The following RAD54B variants were observed in gnomAD, a reference collection of about 807,000 sequenced individuals.
The protein encoded by RAD54B is DNA repair and recombination protein RAD54B.
RAD54B carries 78 observed loss-of-function variants against 95.8 expected under a neutral mutation model. The observed-to-expected ratio is 0.81, with a 90% CI of 0.68 to 0.98. The LOEUF is 0.98. Among genes scored for constraint, RAD54B ranks in the 50% least tolerant of loss-of-function variants. The pLI, the probability that RAD54B is intolerant of heterozygous loss-of-function variation, is 0.00. For missense variants in RAD54B, 957 were observed against 1,056.6 expected (o/e 0.91, Z 1.31); for synonymous variants, 328 against 354.9 (o/e 0.92, Z 0.85).
chr8:94,474,827 G>A (rs896981007), intron 1 of RAD54B, among the ~76,000 whole-genome samples, 174 bp downstream of exon 1: 2 of 152,194 alleles, frequency 1.3e-5, no homozygotes, highest in African/African-American at 4.8e-5. Context: ...CAGCAACCAG[G>A]GCGTCCCTGG....
chr8:94,408,333 TA>T (rs1811444514), intron 4 of RAD54B, among the ~76,000 whole-genome samples: 1 of 152,176 alleles, frequency 6.6e-6, no homozygotes, highest in African/African-American at 2.4e-5. Flanking sequence ...TGATGAAATA[TA>T]AGTATGGATA....
chr8:94,460,986 T>C (rs931173752), intron 2 of RAD54B, among the ~76,000 whole-genome samples: 2 of 152,000 alleles, frequency 1.3e-5, no homozygotes, highest in African/African-American at 4.8e-5. Context: ...TTAACATTAA[T>C]CACGTCAGCA....
chr8:94,425,075 A>AC (rs1811911131), intron 3 of RAD54B, among the ~76,000 whole-genome samples: 1 of 151,500 alleles, frequency 6.6e-6, no homozygotes, highest in Non-Finnish European at 1.5e-5. Flanking sequence ...AAAAAAAAAA[A>AC]AAAAAATTCA....
At chr8:94,422,636 AT>A (rs1811847795) in intron 3 of RAD54B, among the ~76,000 whole-genome samples, 1 of 117,940 alleles carries the variant, frequency 8.5e-6, no homozygotes, top group African/African-American at 3.1e-5. Flanking sequence ...ATATATATAT[AT>A]ATATATATAT....
chr8:94,449,960 A>G (rs1011869989), intron 3 of RAD54B, among the ~76,000 whole-genome samples: 5 of 152,198 alleles, frequency 3.3e-5, no homozygotes, highest in Non-Finnish European at 5.9e-5. Context: ...GAAAGGATAC[A>G]CCTATCATGT....
chr8:94,391,466 C>T (rs1402154517), intron 10 of RAD54B, 143 bp downstream of exon 10: 1 of 760,158 alleles, frequency 1.3e-6, no homozygotes, highest in African/African-American at 1.8e-5. Flanking sequence ...ATAAGCTCTA[C>T]AGCAGAACCA....
In RAD54B at chr8:94,404,166, A is replaced by C. The variant is rs780703541; in HGVS notation, c.855T>G (p.Asp285Glu). The change falls in exon 6 of 15, where the codon GAT becomes GAG. Residue 285 changes from aspartate (D) to glutamate (E), a missense_variant. Asp to Glu is a conservative substitution (Grantham distance 45, BLOSUM62 2). Transcript: ENST00000336148. Reference sequence around the variant, plus strand: ...ATACAAGGTAAGGATCAATCACTACATCCACAAGAGGGAAACAGTTCTTAT... The same window carrying C: ...ATACAAGGTAAGGATCAATCACTACCTCCACAAGAGGGAAACAGTTCTTAT... ...VFNKNCFPLV[D>E]VVIDPYLVYH... is the part of the protein sequence containing the mutation. 7.4e-6 allele frequency: 12 copies of C among 1,611,426 alleles called. No individual in the cohort carries two copies. In the South Asian group the frequency reaches 1.1e-4, roughly 15 times the overall value.
At chr8:94,422,573 G>A (rs113551625) in intron 3 of RAD54B, among the ~76,000 whole-genome samples, 3,613 of 99,148 alleles carry the variant, frequency 0.036, 87 homozygotes, top group Middle Eastern at 0.11. Flanking sequence ...GGACGATAGA[G>A]CGAGACTTCG....
chr8:94,395,069 G>A (rs145860123), intron 8 of RAD54B, among the ~76,000 whole-genome samples: 327 of 152,248 alleles, frequency 2.1e-3, no homozygotes, highest in African/African-American at 7.2e-3. Flanking sequence ...ACAAAGATTG[G>A]GGAGTATAGG....
intron 14 of RAD54B, among the ~76,000 whole-genome samples, chr8:94,374,328 C>T (rs1810515514): frequency 1.3e-5 from 2 of 150,586 alleles, no homozygotes; most frequent in Admixed American, 6.6e-5. Context: ...AATTAGAAGA[C>T]AATAGAATAA....
chr8:94,403,549 C>T (rs1278221724), intron 6 of RAD54B, among the ~76,000 whole-genome samples: 2 of 151,868 alleles, frequency 1.3e-5, no homozygotes, highest in East Asian at 3.9e-4. Context: ...TGGTGGAGCA[C>T]GCCTGTAATC....
rs1056881050 is a variant in RAD54B, at chr8:94,419,057, A to G, written c.305-7742T>C. Among the ~76,000 whole-genome samples, 3 of 143,464 alleles carry G rather than the reference A, an allele frequency of 2.1e-5. No individual in the cohort carries two copies. The East Asian group carries it at 5.8e-4, about 28-fold the overall frequency. 94.1% of individuals were successfully genotyped at this position (143,464 alleles called of 152,430 possible). A position where few individuals can be genotyped will look rare whatever the true frequency, so the allele number is the denominator to read the frequency against. ...TAAAGAAGGTACCTGAGAAAAAAAG[A>G]AAAGATTCTCATATCTTTAAAGTTT... On this transcript the variant is annotated intron_variant, in intron 3 of 14. Coordinates refer to ENST00000336148, the MANE Select transcript of RAD54B (RefSeq NM_012415.3).
chr8:94,374,601 C>A (rs1186605729), intron 14 of RAD54B, among the ~76,000 whole-genome samples: 1 of 151,972 alleles, frequency 6.6e-6, no homozygotes, highest in African/African-American at 2.4e-5. Flanking sequence ...ATAGACCAGA[C>A]AAACCCTAAT....
At chr8:94,441,404 G>A (rs1812393134) in intron 3 of RAD54B, among the ~76,000 whole-genome samples, 1 of 152,066 alleles carries the variant, frequency 6.6e-6, no homozygotes, top group Non-Finnish European at 1.5e-5. Context: ...CTATTAGTTT[G>A]CTAGAGTGGT....
intron 10 of RAD54B, 52 bp from the exon 11 acceptor site, chr8:94,387,211 G>C: frequency 7.0e-7 from 1 of 1,434,884 alleles, no homozygotes; most frequent in South Asian, 1.5e-5. Flanking sequence ...TTTTTAATTA[G>C]GAGGGGAAAA....
intron 1 of RAD54B, among the ~76,000 whole-genome samples, chr8:94,470,080 C>T (rs898851092): frequency 7.2e-5 from 11 of 152,210 alleles, no homozygotes; most frequent in African/African-American, 1.7e-4. Flanking sequence ...TGACTACCAA[C>T]ATTATCTGTT....
intron 2 of RAD54B, among the ~76,000 whole-genome samples, chr8:94,460,180 A>G (rs1015354991): frequency 2.0e-5 from 3 of 148,526 alleles, no homozygotes; most frequent in African/African-American, 5.0e-5. Flanking sequence ...ATGAAACGAG[A>G]TCAGTCATGG....
intron 11 of RAD54B, among the ~76,000 whole-genome samples, chr8:94,383,974 A>C (rs560182396): frequency 2.0e-5 from 3 of 152,334 alleles, no homozygotes; most frequent in South Asian, 4.1e-4. Context: ...GCAGTACTTC[A>C]AAATATTAAA....
intron 1 of RAD54B, among the ~76,000 whole-genome samples, chr8:94,472,925 T>A (rs1239600751): frequency 6.6e-6 from 1 of 151,796 alleles, no homozygotes; most frequent in Non-Finnish European, 1.5e-5. Context: ...CATACAACCA[T>A]CAGCACAGAG....
Sources: gnomAD v4.1 joint callset for allele counts (sites outside exome capture counted in the v4.1 genomes callset) on GRCh38, gnomAD v4.1.1 for gene constraint, MANE v1.5 for transcripts, NCBI Gene and HGNC (gene_info 2026-07-23, HGNC 2026-07-21) for gene names.